GPHN: variants seen among roughly 807,000 people sequenced by gnomAD.
The protein encoded by GPHN is gephyrin.
GPHN carries 17 observed loss-of-function variants against 95.5 expected under a neutral mutation model. The ratio of observed to expected loss-of-function variants is 0.18; its 90% CI spans 0.12 to 0.27. GPHN has a LOEUF of 0.27. GPHN is among the 10% of genes least tolerant of loss of function. The probability of loss-of-function intolerance (pLI) is 1.00; values close to 1 mark genes in which losing one functional copy is unlikely to be tolerated. For synonymous variants in GPHN, 320 were observed against 322.5 expected (o/e 0.99, Z 0.08); for missense variants, 660 against 978.1 (o/e 0.67, Z 4.34).
At chr14:66,580,993 A>G (rs1454679539) in intron 1 of GPHN, among the ~76,000 whole-genome samples, 1 of 151,868 alleles carries the variant, frequency 6.6e-6, no homozygotes, top group Non-Finnish European at 1.5e-5. Flanking sequence ...GGATGCATTT[A>G]TGTCTGTGGT....
At chr14:67,540,226 A>G in the GPHN span, among the ~76,000 whole-genome samples, 6 of 152,372 alleles carry the variant, frequency 3.9e-5, no homozygotes, top group South Asian at 2.1e-4. Context: ...CCTATTTCGT[A>G]TATCTCCTCC....
chr14:67,017,181 A>G (rs1447087727), intron 9 of GPHN, among the ~76,000 whole-genome samples: 1 of 152,100 alleles, frequency 6.6e-6, no homozygotes, highest in African/African-American at 2.4e-5. Context: ...CATAAATCTA[A>G]TTAAACACAT....
intron 5 of GPHN, among the ~76,000 whole-genome samples, chr14:66,911,481 G>A (rs1005975491): frequency 2.0e-5 from 3 of 151,922 alleles, no homozygotes; most frequent in Admixed American, 6.6e-5. Context: ...TTAAAATTCA[G>A]GATAATAGTT....
chr14:66,527,590 T>C (rs1305886531), intron 1 of GPHN, among the ~76,000 whole-genome samples: 1 of 152,210 alleles, frequency 6.6e-6, no homozygotes, highest in Non-Finnish European at 1.5e-5. Context: ...TCCTGCTTTC[T>C]CTTGTGGGCC....
the GPHN span, among the ~76,000 whole-genome samples, chr14:67,325,432 C>T: frequency 3.3e-5 from 5 of 152,084 alleles, no homozygotes; most frequent in Admixed American, 1.3e-4. Flanking sequence ...TTTTCATTTC[C>T]GCCATATACC....
the GPHN span, among the ~76,000 whole-genome samples, chr14:67,237,778 G>T: frequency 6.6e-6 from 1 of 152,168 alleles, no homozygotes; most frequent in African/African-American, 2.4e-5. Context: ...TTACAGTTAG[G>T]CTTTCACTAC....
chr14:66,511,817 G>A (rs895666011), intron 1 of GPHN, among the ~76,000 whole-genome samples: 2 of 151,912 alleles, frequency 1.3e-5, no homozygotes, highest in Admixed American at 1.3e-4. Flanking sequence ...GATAATTAAT[G>A]TAACATGGAT....
At chr14:66,944,760 G>A (rs1231040651) in intron 8 of GPHN, among the ~76,000 whole-genome samples, 1 of 152,256 alleles carries the variant, frequency 6.6e-6, no homozygotes, top group Non-Finnish European at 1.5e-5. Flanking sequence ...CCACCAGTGA[G>A]AAAAACTTAA....
chr14:67,563,405 C>T, the GPHN span, among the ~76,000 whole-genome samples: 1 of 148,634 alleles, frequency 6.7e-6, no homozygotes, highest in Admixed American at 6.7e-5. Context: ...ATTTTTCTTT[C>T]TTTGTTTTTC....
At chr14:67,382,840 G>GA in the GPHN span, among the ~76,000 whole-genome samples, 2 of 151,104 alleles carry the variant, frequency 1.3e-5, no homozygotes, top group East Asian at 1.9e-4. Flanking sequence ...CAGAATTGGA[G>GA]AAAAAAAAAG....
At chr14:67,166,257 A>G (rs1261226037) in intron 20 of GPHN, among the ~76,000 whole-genome samples, 1 of 152,256 alleles carries the variant, frequency 6.6e-6, no homozygotes, top group Non-Finnish European at 1.5e-5. Context: ...CTCAGAATGT[A>G]TCTGTAACAT....
chr14:67,603,973 T>TCC, the GPHN span, among the ~76,000 whole-genome samples: 1 of 151,832 alleles, frequency 6.6e-6, no homozygotes, highest in Non-Finnish European at 1.5e-5. Flanking sequence ...GAGCCACCGC[T>TCC]CCCAGCCCTG....
At chr14:66,743,372 C>T (rs531194079) in intron 2 of GPHN, among the ~76,000 whole-genome samples, 1 of 152,206 alleles carries the variant, frequency 6.6e-6, no homozygotes, top group African/African-American at 2.4e-5. Flanking sequence ...TCTTAGATCA[C>T]TCCAGTATAT....
chr14:67,692,430 A>C, the GPHN span: 1 of 1,614,106 alleles, frequency 6.2e-7, no homozygotes, highest in Non-Finnish European at 8.5e-7. Flanking sequence ...CTCTAGTTCT[A>C]CACTTACCAG....
chr14:66,597,315 TCC>T (rs2062024929), intron 1 of GPHN, among the ~76,000 whole-genome samples: 1 of 152,138 alleles, frequency 6.6e-6, no homozygotes, highest in Non-Finnish European at 1.5e-5. Flanking sequence ...ATATTACGCA[TCC>T]CTTTTGTCTC....
Position 66,538,841 on chromosome 14 carries a change from A to G in GPHN, c.64+30250A>G, listed in dbSNP as rs186364235. ...CATACAATATATGTTTTGAAATACA[A>G]TATATGAAATTAATAAATTTCACAT... is the stretch of plus-strand genomic sequence containing the variant. On this transcript the variant is annotated intron_variant, in intron 1 of 22. Transcript: ENST00000478722. Among the ~76,000 whole-genome samples the G allele has an allele frequency of 4.3e-3, 650 of 151,840 alleles. 5 individuals are homozygous for G. Among genetic ancestry groups the G allele is most frequent in the Non-Finnish European group, 7.6e-3 (519 of 67,962 alleles).
the GPHN span, among the ~76,000 whole-genome samples, chr14:67,580,607 AGAG>A: frequency 6.6e-5 from 10 of 152,324 alleles, no homozygotes; most frequent in Admixed American, 5.9e-4. Flanking sequence ...TATTTGTTGA[AGAG>A]GAGAATAGCA....
At chr14:66,515,763 C>T (rs1450246381) in intron 1 of GPHN, among the ~76,000 whole-genome samples, 1 of 152,108 alleles carries the variant, frequency 6.6e-6, no homozygotes, top group East Asian at 1.9e-4. Context: ...CAGTATTCAA[C>T]ACCTACTATG....
At chr14:67,058,516 G>A (rs2075692149) in intron 10 of GPHN, 133 bp from the exon 11 acceptor site, 5 of 781,872 alleles carry the variant, frequency 6.4e-6, no homozygotes, top group Admixed American at 3.8e-5. Context: ...TTTGGAGGCA[G>A]GAGAAACAGT....
Sources: gnomAD v4.1 joint callset for allele counts (sites outside exome capture counted in the v4.1 genomes callset) on GRCh38, gnomAD v4.1.1 for gene constraint, MANE v1.5 for transcripts, NCBI Gene and HGNC (gene_info 2026-07-23, HGNC 2026-07-21) for gene names.